CDH13: variants seen among roughly 807,000 people sequenced by gnomAD.
CDH13 encodes the protein cadherin 13.
Under a neutral mutation model 63.8 loss-of-function variants are expected in CDH13, and 24 were observed. The observed-to-expected ratio is 0.38, with a 90% CI of 0.27 to 0.53. CDH13 has a LOEUF of 0.53. Among genes scored for constraint, CDH13 ranks in the 20% least tolerant of loss-of-function variants. The pLI is 0.85. For missense variants in CDH13, 1,049 were observed against 903.1 expected, an observed-to-expected ratio of 1.16 and a Z score of -2.07; for synonymous variants, 503 against 355.3, an observed-to-expected ratio of 1.42 and a Z score of -4.67.
intron 7 of CDH13, among the ~76,000 whole-genome samples, chr16:83,533,342 C>T (rs2075120857): frequency 6.6e-6 from 1 of 152,162 alleles, no homozygotes; most frequent in Non-Finnish European, 1.5e-5. Flanking sequence ...TACTGAGATG[C>T]CCAGAGGTGA....
chr16:83,609,298 T>A (rs1447667282), intron 8 of CDH13, among the ~76,000 whole-genome samples: 2 of 152,168 alleles, frequency 1.3e-5, no homozygotes, highest in Non-Finnish European at 2.9e-5. Context: ...CCCAAGACAA[T>A]TCTTCTTCCA....
chr16:82,956,029 T>C (rs78209877), intron 2 of CDH13, among the ~76,000 whole-genome samples: 2,759 of 152,290 alleles, frequency 0.018, 97 homozygotes, highest in African/African-American at 0.064. Flanking sequence ...CCATAGTTCA[T>C]TGAACTCTCC....
At chr16:83,018,099 G>C (rs1369480397) in intron 2 of CDH13, among the ~76,000 whole-genome samples, 1 of 152,196 alleles carries the variant, frequency 6.6e-6, no homozygotes, top group Non-Finnish European at 1.5e-5. Context: ...CCTTTGGAGT[G>C]TGGTGAACCT....
At position 82,648,088 on chromosome 16, in the gene CDH13, G is replaced by A. The variant is rs190467567; in HGVS notation, c.45+20951G>A. 2.1e-3 allele frequency among the ~76,000 whole-genome samples: 313 copies of A among 152,280 alleles called. 5 individuals carry two copies. The highest frequency in any genetic ancestry group is 6.8e-3 in the Middle Eastern group (2 of 294). On this transcript the variant is annotated intron_variant, in intron 1 of 13. Coordinates refer to ENST00000567109, the MANE Select transcript of CDH13 (RefSeq NM_001257.5). ...CCTTCGTCTTCCACTGTGATTGTGAGGCCTCCTCAGCCATGTGGAACTGTG... is the reference window on the plus strand; with the variant it reads ...CCTTCGTCTTCCACTGTGATTGTGAAGCCTCCTCAGCCATGTGGAACTGTG...
chr16:82,809,623 C>T (rs1030399903), intron 1 of CDH13, among the ~76,000 whole-genome samples: 3 of 151,994 alleles, frequency 2.0e-5, no homozygotes, highest in Non-Finnish European at 2.9e-5. Context: ...GATTTATGTA[C>T]GTACTTCCCT....
At chr16:82,717,880 C>T (rs987212488) in intron 1 of CDH13, among the ~76,000 whole-genome samples, 1 of 152,158 alleles carries the variant, frequency 6.6e-6, no homozygotes, top group Non-Finnish European at 1.5e-5. Flanking sequence ...GGGGAAGTAG[C>T]CAGTTTATTC....
At chr16:83,040,475 G>A (rs1034857832) in intron 3 of CDH13, among the ~76,000 whole-genome samples, 1 of 152,158 alleles carries the variant, frequency 6.6e-6, no homozygotes, top group African/African-American at 2.4e-5. Flanking sequence ...CAAATCTCTG[G>A]TGTAAGTCCA....
chr16:83,062,154 A>T (rs1006244273), intron 3 of CDH13, among the ~76,000 whole-genome samples: 1 of 152,302 alleles, frequency 6.6e-6, no homozygotes, highest in East Asian at 1.9e-4. Context: ...TCTAGGAATA[A>T]TGATGTCAAA....
At chr16:83,057,478 A>T (rs890780058) in intron 3 of CDH13, among the ~76,000 whole-genome samples, 1 of 152,142 alleles carries the variant, frequency 6.6e-6, no homozygotes, top group Non-Finnish European at 1.5e-5. Context: ...TGAATGATAC[A>T]TGTTATGCTT....
At chr16:83,718,326 C>G (rs1031281670) in intron 10 of CDH13, among the ~76,000 whole-genome samples, 14 of 152,144 alleles carry the variant, frequency 9.2e-5, no homozygotes, top group Admixed American at 6.5e-4. Context: ...CAGTCATTGT[C>G]CAGGCTCTTG....
chr16:83,460,758 C>T (rs1211574870), intron 6 of CDH13, among the ~76,000 whole-genome samples: 2 of 151,686 alleles, frequency 1.3e-5, no homozygotes, highest in African/African-American at 4.9e-5. Flanking sequence ...TTTTGGGAGG[C>T]CGAGGCGGGA....
chr16:83,112,576 G>A (rs1403219888), intron 3 of CDH13, among the ~76,000 whole-genome samples: 2 of 152,084 alleles, frequency 1.3e-5, no homozygotes, highest in Non-Finnish European at 2.9e-5. Flanking sequence ...TCTCTTGATG[G>A]GTAATGTGGT....
At chr16:83,568,672 A>G (rs1269065778) in intron 7 of CDH13, among the ~76,000 whole-genome samples, 2 of 152,280 alleles carry the variant, frequency 1.3e-5, no homozygotes, top group African/African-American at 4.8e-5. Context: ...GACTGAGAAG[A>G]CAGAGGGGAA....
intron 2 of CDH13, among the ~76,000 whole-genome samples, chr16:83,012,674 T>C (rs987089747): frequency 6.6e-6 from 1 of 152,222 alleles, no homozygotes; most frequent in Non-Finnish European, 1.5e-5. Flanking sequence ...CTAAGCATGA[T>C]TCCCAGCTAA....
intron 5 of CDH13, among the ~76,000 whole-genome samples, chr16:83,335,679 C>A (rs4782773): frequency 0.41 from 62,609 of 151,942 alleles, 13,165 homozygotes; most frequent in Admixed American, 0.47. Flanking sequence ...TGACCTAATC[C>A]GTTATGTTAT....
chr16:83,319,153 C>T (rs1053807339), intron 5 of CDH13, among the ~76,000 whole-genome samples: 3 of 151,996 alleles, frequency 2.0e-5, no homozygotes, highest in African/African-American at 7.3e-5. Context: ...TTTCTTGCTG[C>T]TTGTTGTCTC....
At chr16:82,874,549 C>G (rs545580363) in intron 2 of CDH13, among the ~76,000 whole-genome samples, 45 of 152,116 alleles carry the variant, frequency 3.0e-4, no homozygotes, top group African/African-American at 1.0e-3. Flanking sequence ...TGCCTGTCAG[C>G]TGATTCTGAA....
At chr16:82,807,401 A>G (rs2037199615) in intron 1 of CDH13, among the ~76,000 whole-genome samples, 1 of 152,190 alleles carries the variant, frequency 6.6e-6, no homozygotes, top group Admixed American at 6.5e-5. Context: ...CCTAATTGAT[A>G]GGAAGAGGTC....
At chr16:82,996,990 G>GTGA (rs575073990) in intron 2 of CDH13, among the ~76,000 whole-genome samples, 1 of 150,734 alleles carries the variant, frequency 6.6e-6, no homozygotes, top group South Asian at 2.1e-4. Context: ...GGTGATGGTG[G>GTGA]TGATGATGAT....
Sources: gnomAD v4.1 joint callset for allele counts (sites outside exome capture counted in the v4.1 genomes callset) on GRCh38, gnomAD v4.1.1 for gene constraint, MANE v1.5 for transcripts, NCBI Gene and HGNC (gene_info 2026-07-23, HGNC 2026-07-21) for gene names.